Variants in CRYBG1 observed in about 807,000 individuals in gnomAD.
CRYBG1 encodes beta/gamma crystallin domain-containing protein 1.
In CRYBG1, 139 loss-of-function variants were observed where a neutral mutation model predicts 189.2. That is an observed-to-expected ratio of 0.73 (90% CI 0.64 to 0.85). The LOEUF (loss-of-function observed/expected upper bound fraction) is 0.85. Ranked by LOEUF, CRYBG1 falls within the 40% of genes least tolerant of loss-of-function variation. The pLI, the probability that CRYBG1 is intolerant of heterozygous loss-of-function variation, is 0.00. For missense variants in CRYBG1, 2,611 were observed against 2,675.8 expected (o/e 0.98, Z 0.53); for synonymous variants, 1,023 against 1,017.1 (o/e 1.01, Z -0.11).
intron 2 of CRYBG1, among the ~76,000 whole-genome samples, chr6:106,468,464 T>G (rs1295149335): frequency 6.6e-6 from 1 of 152,230 alleles, no homozygotes; most frequent in East Asian, 1.9e-4. Context: ...AATCCAGATG[T>G]GTGCAAAGTA....
At chr6:106,467,217 C>T (rs891206718) in intron 2 of CRYBG1, among the ~76,000 whole-genome samples, 1 of 152,100 alleles carries the variant, frequency 6.6e-6, no homozygotes, top group Non-Finnish European at 1.5e-5. Context: ...AATCCCAGCA[C>T]TTTGGGAGGC....
intron 2 of CRYBG1, among the ~76,000 whole-genome samples, chr6:106,497,704 T>G (rs1772884629): frequency 6.6e-6 from 1 of 152,248 alleles, no homozygotes; most frequent in African/African-American, 2.4e-5. Context: ...AAATCCCTTT[T>G]CACCCTGCAG....
At chr6:106,370,474 A>G (rs1770001766) in intron 1 of CRYBG1, among the ~76,000 whole-genome samples, 1 of 152,158 alleles carries the variant, frequency 6.6e-6, no homozygotes, top group Admixed American at 6.5e-5. Flanking sequence ...AGGCCTCTAG[A>G]AGCCCTGCTG....
intron 2 of CRYBG1, among the ~76,000 whole-genome samples, chr6:106,472,194 A>G (rs1339281737): frequency 6.6e-6 from 1 of 152,206 alleles, no homozygotes; most frequent in Non-Finnish European, 1.5e-5. Context: ...TCACAAAGCT[A>G]TTAGAGTAGG....
intron 15 of CRYBG1, 82 bp downstream of exon 15, chr6:106,552,298 A>AT (rs1774421294): frequency 1.8e-6 from 2 of 1,081,656 alleles, no homozygotes; most frequent in Admixed American, 5.8e-5. Context: ...AATGTCAGAC[A>AT]TTTGGGGCCG....
rs1352929793 is a variant in CRYBG1, at chr6:106,451,765, C to T, written c.245C>T (p.Ser82Phe). 1.3e-6 allele frequency: 2 copies of T among 1,534,628 alleles called. No individual in the cohort carries two copies. The highest frequency in any genetic ancestry group is 2.0e-5 in the Admixed American group (1 of 50,912). ...SQEFPLHCGE[S>F]QFFHTTSEAL... The stretch of plus-strand genomic sequence containing the variant: ...GAATTTCCACTGCACTGTGGGGAAT[C>T]CCAGTTCTTCCACACCACCAGTGAG... The change falls in exon 2 of 22, where the codon TCC (serine) becomes TTC (phenylalanine). Residue 82 changes from serine to phenylalanine, a missense_variant. Physicochemically the swap from Ser to Phe is radical, Grantham distance 155 (BLOSUM62 -2). This residue lies in a region of CRYBG1 where 985 missense variants were observed against 924.4 expected (regional missense o/e 1.07). Coordinates refer to ENST00000633556, the MANE Select transcript of CRYBG1 (RefSeq NM_001371242.2).
chr6:106,530,898 A>G (rs1773863855), intron 8 of CRYBG1, among the ~76,000 whole-genome samples: 1 of 152,258 alleles, frequency 6.6e-6, no homozygotes, highest in African/African-American at 2.4e-5. Flanking sequence ...TGTGAAAGAC[A>G]TTCACTGAGA....
chr6:106,370,448 T>A (rs1430428856), intron 1 of CRYBG1, among the ~76,000 whole-genome samples: 1 of 152,220 alleles, frequency 6.6e-6, no homozygotes, highest in Non-Finnish European at 1.5e-5. Flanking sequence ...AAGCTGCTCC[T>A]GGCTGCTCTA....
At chr6:106,516,061 G>A (rs1006762368) in intron 3 of CRYBG1, among the ~76,000 whole-genome samples, 2 of 151,962 alleles carry the variant, frequency 1.3e-5, no homozygotes, top group African/African-American at 4.8e-5. Context: ...AAAGTGCTAG[G>A]ATTACAGGCA....
At chr6:106,401,470 T>C (rs1393422199) in intron 1 of CRYBG1, among the ~76,000 whole-genome samples, 1 of 140,516 alleles carries the variant, frequency 7.1e-6, no homozygotes, top group Non-Finnish European at 1.5e-5. Flanking sequence ...GTTAGTTACA[T>C]ATGTATACAT....
In CRYBG1 at chr6:106,521,424, T is replaced by C. The variant is rs199825949; in HGVS notation, c.4216T>C (p.Phe1406Leu). Reference sequence around the variant, plus strand: ...AAGCCGGTATGACCCAAGCATTTCTTTTTCTGGAATGTCATTATCAGACAC... The same window carrying C: ...AAGCCGGTATGACCCAAGCATTTCTCTTTCTGGAATGTCATTATCAGACAC... ...KSSRYDPSIS[F>L]SGMSLSDTMT... The change falls in exon 4 of 22, where the codon TTT becomes CTT. Residue 1406 changes from phenylalanine (F) to leucine (L), a missense_variant. Coordinates refer to ENST00000633556, the MANE Select transcript of CRYBG1 (RefSeq NM_001371242.2). The C allele has an allele frequency of 1.5e-5, 24 of 1,587,328 alleles. No individual in the cohort carries two copies. The highest frequency in any genetic ancestry group is 2.0e-5 in the Non-Finnish European group (23 of 1,170,262).
At chr6:106,463,521 A>C (rs555628647) in intron 2 of CRYBG1, among the ~76,000 whole-genome samples, 18 of 152,356 alleles carry the variant, frequency 1.2e-4, no homozygotes, top group Non-Finnish European at 2.4e-4. Flanking sequence ...CATATAACCC[A>C]TAATTTAATG....
rs2114279307 is a variant in CRYBG1 at position 106,361,061 on chromosome 6, G to C, written c.153G>C (p.Pro51=). 6.5e-7 allele frequency: 1 copy of C among 1,535,076 alleles called. No homozygotes were observed. The highest frequency in any genetic ancestry group is 2.4e-5 in the East Asian group (1 of 40,896). ...DCGVFVPHPL[P]APAGEARALD... ...GGGTGTTCGTTCCGCACCCGCTCCC[G>C]GCGCCTGCCGGAGAGGCCAGGTGAG... The change falls in exon 1 of 22, where the codon CCG becomes CCC. Residue 51 remains proline, a synonymous_variant. Coordinates refer to ENST00000633556, the MANE Select transcript of CRYBG1 (RefSeq NM_001371242.2).
intron 1 of CRYBG1, among the ~76,000 whole-genome samples, chr6:106,432,107 T>A (rs1364733571): frequency 2.6e-5 from 4 of 152,224 alleles, no homozygotes; most frequent in Non-Finnish European, 4.4e-5. Flanking sequence ...AAATGCCTCT[T>A]GTCTGTTGAA....
At chr6:106,471,816 AG>A (rs11476089) in intron 2 of CRYBG1, among the ~76,000 whole-genome samples, 12,215 of 149,348 alleles carry the variant, frequency 0.082, 633 homozygotes, top group East Asian at 0.21. Flanking sequence ...AAAAAAAAAA[AG>A]AAGAAGAAAA....
At chr6:106,413,931 G>A (rs1189948736) in intron 1 of CRYBG1, among the ~76,000 whole-genome samples, 2 of 152,198 alleles carry the variant, frequency 1.3e-5, no homozygotes, top group Non-Finnish European at 2.9e-5. Context: ...GGAACAAATT[G>A]TACCAGACTC....
intron 2 of CRYBG1, among the ~76,000 whole-genome samples, chr6:106,453,147 G>C (rs1282036838): frequency 6.6e-6 from 1 of 152,152 alleles, no homozygotes; most frequent in Non-Finnish European, 1.5e-5. Context: ...GTTCTGTATA[G>C]TTAAAAATGG....
Position 106,512,508 on chromosome 6 carries a change from A to C in CRYBG1, c.1391A>C (p.Glu464Ala), listed in dbSNP as rs749516587. 6 of 1,611,090 alleles carry C rather than the reference A, an allele frequency of 3.7e-6. No homozygotes were observed. In the South Asian group the frequency reaches 6.6e-5, roughly 18 times the overall value. Residue 464 changes from glutamate (E) to alanine (A), a missense_variant, in exon 3 of 22, where the codon GAA (glutamate) becomes GCA (alanine). Around this residue, in one of 3 missense-constraint regions of CRYBG1, gnomAD observed 985 missense variants for 924.4 expected, o/e 1.07. Transcript: ENST00000633556. ...GCGGCCAGCGATAACGCCTCGGCGG[A>C]AAAGAAAGTGAAATCTCCGCGGGCA... Reference protein sequence around the residue: ...PNAASDNASAEKKVKSPRAAL... With the variant: ...PNAASDNASAAKKVKSPRAAL...
At position 106,407,770 on chromosome 6, in the gene CRYBG1, A is replaced by G. The variant is rs576515439; in HGVS notation, c.174-43924A>G. Among the ~76,000 whole-genome samples, 202 of 152,334 alleles carry G rather than the reference A, an allele frequency of 1.3e-3. 1 individual carries two copies. The highest frequency in any genetic ancestry group is 4.4e-3 in the African/African-American group (181 of 41,568). On this transcript the variant is annotated intron_variant, in intron 1 of 21. Transcript: ENST00000633556. ...AACCTGAACAACCTGCTCCTGAATG[A>G]CTACTGGGTAAATAATGAAATTAAG...
Sources: allele counts gnomAD v4.1 joint callset (sites outside exome capture counted in the v4.1 genomes callset), GRCh38; gene constraint gnomAD v4.1.1; regional missense constraint gnomAD v4.1.1; transcripts MANE v1.5; gene names NCBI Gene and HGNC (gene_info 2026-07-23, HGNC 2026-07-21).